Variants in SCARA5 observed in about 807,000 individuals in gnomAD.
SCARA5 encodes the protein scavenger receptor class A member 5.
SCARA5 carries 45 observed loss-of-function variants against 46.3 expected under a neutral mutation model. The ratio of observed to expected loss-of-function variants is 0.97; its 90% CI spans 0.76 to 1.24. SCARA5 has a LOEUF of 1.24. Among genes scored for constraint, SCARA5 ranks in the 50% most tolerant of loss-of-function variants. The pLI is 0.00. For missense variants in SCARA5, 680 were observed against 689.0 expected (o/e 0.99, Z 0.15); for synonymous variants, 333 against 306.5 (o/e 1.09, Z -0.90).
chr8:27,967,438 G>C (rs1347974876), intron 2 of SCARA5, among the ~76,000 whole-genome samples: 8 of 152,128 alleles, frequency 5.3e-5, no homozygotes. Context: ...ATCTCCAGCT[G>C]CTCTGTTGAC....
chr8:27,891,088 G>A (rs2129704688), intron 7 of SCARA5, among the ~76,000 whole-genome samples: 1 of 152,258 alleles, frequency 6.6e-6, no homozygotes, highest in Non-Finnish European at 1.5e-5. Flanking sequence ...GGGTTGTTGA[G>A]GGGATCAGTG....
chr8:27,883,144 G>A (rs10088139), intron 7 of SCARA5, among the ~76,000 whole-genome samples: 77,957 of 152,084 alleles, frequency 0.51, 20,195 homozygotes, highest in East Asian at 0.63. Context: ...AGCCTGGCTG[G>A]AGGAAATGAA....
At chr8:27,965,073 G>T (rs1288299543) in intron 3 of SCARA5, among the ~76,000 whole-genome samples, 1 of 152,168 alleles carries the variant, frequency 6.6e-6, no homozygotes, top group Non-Finnish European at 1.5e-5. Context: ...TCCCAGGGAT[G>T]AATAATGAGG....
At chr8:27,928,658 TC>T (rs937598659) in intron 3 of SCARA5, among the ~76,000 whole-genome samples, 3 of 151,630 alleles carry the variant, frequency 2.0e-5, no homozygotes, top group Non-Finnish European at 4.4e-5. Context: ...CTTTTTCTTT[TC>T]TTTTTTTTTC....
At chr8:27,931,696 C>T (rs1807775718) in intron 3 of SCARA5, among the ~76,000 whole-genome samples, 1 of 152,268 alleles carries the variant, frequency 6.6e-6, no homozygotes, top group East Asian at 1.9e-4. Context: ...CAGAGTCTCG[C>T]TCTGTCACCC....
At chr8:27,942,199 G>T (rs1160758969) in intron 3 of SCARA5, among the ~76,000 whole-genome samples, 1 of 152,098 alleles carries the variant, frequency 6.6e-6, no homozygotes, top group Non-Finnish European at 1.5e-5. Context: ...GTGACAGCCA[G>T]GCCTCGAGAC....
chr8:27,965,938 G>T (rs1808362272), intron 3 of SCARA5, among the ~76,000 whole-genome samples: 1 of 152,192 alleles, frequency 6.6e-6, no homozygotes, highest in Non-Finnish European at 1.5e-5. Flanking sequence ...CATCTCAAAA[G>T]ATAGAAATTG....
intron 3 of SCARA5, among the ~76,000 whole-genome samples, chr8:27,923,195 C>T (rs574657663): frequency 6.9e-4 from 105 of 152,342 alleles, no homozygotes; most frequent in Admixed American, 3.0e-3. Context: ...TCCAGGACTG[C>T]CTAAAGGAAG....
intron 7 of SCARA5, among the ~76,000 whole-genome samples, chr8:27,883,597 G>C (rs1404767990): frequency 6.6e-6 from 1 of 152,158 alleles, no homozygotes; most frequent in African/African-American, 2.4e-5. Flanking sequence ...AAATAATTCA[G>C]AACAATTGGT....
intron 2 of SCARA5, among the ~76,000 whole-genome samples, chr8:27,981,824 T>C (rs1242173006): frequency 6.6e-6 from 1 of 152,132 alleles, no homozygotes; most frequent in Non-Finnish European, 1.5e-5. Context: ...GGGCTGTAGC[T>C]CTGAACTGGG....
chr8:27,982,055 G>A (rs1808624034), intron 2 of SCARA5, among the ~76,000 whole-genome samples: 1 of 152,196 alleles, frequency 6.6e-6, no homozygotes, highest in African/African-American at 2.4e-5. Flanking sequence ...ACAGGAATGG[G>A]GAGGCCGGGC....
At chr8:27,904,721 G>C (rs746280959) in intron 7 of SCARA5, 57 bp downstream of exon 7, 1 of 1,480,124 alleles carries the variant, frequency 6.8e-7, no homozygotes, top group Non-Finnish European at 9.5e-7. Context: ...GGCTGCTTGG[G>C]GGACAGCTAG....
At chr8:27,940,275 C>T (rs1357277538) in intron 3 of SCARA5, among the ~76,000 whole-genome samples, 2 of 152,074 alleles carry the variant, frequency 1.3e-5, no homozygotes, top group African/African-American at 4.8e-5. Flanking sequence ...GTCCCACTTG[C>T]CAGGAATCTA....
At chr8:27,879,149 G>A (rs1291897969) in intron 8 of SCARA5, among the ~76,000 whole-genome samples, 3 of 152,102 alleles carry the variant, frequency 2.0e-5, no homozygotes, top group Non-Finnish European at 4.4e-5. Flanking sequence ...AGATGAAATG[G>A]GTAAATATTT....
intron 2 of SCARA5, among the ~76,000 whole-genome samples, chr8:27,983,084 C>T (rs572509023): frequency 1.5e-4 from 23 of 152,292 alleles, no homozygotes; most frequent in African/African-American, 5.5e-4. Flanking sequence ...CCTGCTCTCA[C>T]CTCTGGTGGT....
chr8:27,960,719 C>T (rs80339785), intron 3 of SCARA5, among the ~76,000 whole-genome samples: 6,780 of 152,106 alleles, frequency 0.045, 295 homozygotes, highest in East Asian at 0.19. Flanking sequence ...ATAGCTACTC[C>T]CAGAATGCTC....
intron 5 of SCARA5, among the ~76,000 whole-genome samples, chr8:27,907,762 G>T (rs1739304317): frequency 1.3e-5 from 2 of 151,956 alleles, no homozygotes. Context: ...TAGAGACATG[G>T]TTTCACCATG....
At chr8:27,894,796 G>A (rs1178527609) in intron 7 of SCARA5, among the ~76,000 whole-genome samples, 3 of 152,190 alleles carry the variant, frequency 2.0e-5, no homozygotes, top group African/African-American at 7.2e-5. Context: ...CGTGAAGGGG[G>A]CCACCATTCT....
intron 7 of SCARA5, among the ~76,000 whole-genome samples, chr8:27,888,536 T>G (rs377452987): frequency 1.3e-5 from 2 of 152,340 alleles, no homozygotes; most frequent in African/African-American, 4.8e-5. Context: ...AAATTTACCA[T>G]TGCCTTTAAA....
Sources: allele counts gnomAD v4.1 joint callset (sites outside exome capture counted in the v4.1 genomes callset), GRCh38; gene constraint gnomAD v4.1.1; transcripts MANE v1.5; gene names NCBI Gene and HGNC (gene_info 2026-07-23, HGNC 2026-07-21).